ITPR1: variants seen among roughly 807,000 people sequenced by gnomAD.
ITPR1 encodes inositol 1,4,5-trisphosphate receptor type 1.
ITPR1 carries 96 observed loss-of-function variants against 318.4 expected under a neutral mutation model. That is an observed-to-expected ratio of 0.30 (90% confidence interval 0.26 to 0.36). ITPR1 has a LOEUF of 0.36. ITPR1 is among the 10% of genes least tolerant of loss of function. The pLI, the probability that ITPR1 is intolerant of heterozygous loss-of-function variation, is 1.00. For missense variants in ITPR1, 2,440 were observed against 3,460.2 expected, an observed-to-expected ratio of 0.71 and a Z score of 7.40; for synonymous variants, 1,312 against 1,289.9, an observed-to-expected ratio of 1.02 and a Z score of -0.37.
intron 4 of ITPR1, among the ~76,000 whole-genome samples, chr3:4,526,309 G>A (rs1471106922): frequency 6.6e-6 from 1 of 152,230 alleles, no homozygotes; most frequent in Non-Finnish European, 1.5e-5. Context: ...TCACTAAGTG[G>A]TTCATATGAA....
rs368813104 is a variant in ITPR1, at chr3:4,836,899, G to A, written c.8154G>A (p.Thr2718=). The A allele has an allele frequency of 3.6e-5, 58 of 1,596,276 alleles. No homozygotes were observed. The highest frequency in any genetic ancestry group is 1.6e-4 in the African/African-American group (12 of 74,730). Reference sequence around the variant, plus strand: ...TGGAGTCCACCATGAAACTTGTCACGAACCTTTCTGGCCAGCTGTCGGAAT... The same window carrying A: ...TGGAGTCCACCATGAAACTTGTCACAAACCTTTCTGGCCAGCTGTCGGAAT... ...EKLESTMKLV[T]NLSGQLSELK... Residue 2718 remains threonine, a synonymous_variant, in exon 61 of 62, where the codon ACG becomes ACA. Transcript: ENST00000649015.
intron 2 of ITPR1, among the ~76,000 whole-genome samples, chr3:4,512,085 T>C (rs2081873282): frequency 6.6e-6 from 1 of 152,128 alleles, no homozygotes; most frequent in Admixed American, 6.5e-5. Context: ...GCTCCCAGGC[T>C]CAAGTGATCC....
intron 45 of ITPR1, chr3:4,768,275 T>C (rs892767399): frequency 9.6e-6 from 4 of 414,798 alleles, no homozygotes; most frequent in Non-Finnish European, 1.3e-5. Context: ...GCTTTTCCTC[T>C]GAAACACACT....
At chr3:4,647,685 G>A (rs2093491490) in intron 10 of ITPR1, among the ~76,000 whole-genome samples, 1 of 152,152 alleles carries the variant, frequency 6.6e-6, no homozygotes, top group South Asian at 2.1e-4. Context: ...TGCATCCCCT[G>A]TTTGATTTAG....
chr3:4,627,901 C>T (rs762648966), intron 5 of ITPR1, 23 bp downstream of exon 5: 18 of 1,487,676 alleles, frequency 1.2e-5, no homozygotes, highest in Non-Finnish European at 1.7e-5. Flanking sequence ...ATGGGGCTGT[C>T]GATGGGGCAG....
chr3:4,623,418 G>C lies in ITPR1; in HGVS notation c.164-4345G>C, dbSNP rs1360692934. ...AGCTAGCTTAGTTTATTCCTCAAAG[G>C]CCTAAAATAATACTTGTCACATAAG... On this transcript the variant is annotated intron_variant, in intron 4 of 61. Transcript: ENST00000649015. Among the ~76,000 whole-genome samples, 5 of 152,216 alleles carry C rather than the reference G, an allele frequency of 3.3e-5. No homozygotes were observed. The East Asian group carries it at 9.6e-4, about 29-fold the overall frequency.
intron 4 of ITPR1, among the ~76,000 whole-genome samples, chr3:4,550,308 A>G (rs979871423): frequency 2.0e-5 from 3 of 152,222 alleles, no homozygotes; most frequent in African/African-American, 7.2e-5. Flanking sequence ...CTGTAGGCAC[A>G]GGTGACAGCA....
chr3:4,814,978 T>G, intron 58 of ITPR1, 75 bp from the exon 59 acceptor site: 29 of 1,268,098 alleles, frequency 2.3e-5, no homozygotes, highest in South Asian at 3.0e-5. Context: ...AGGTCTCACT[T>G]GAGCTGTGCC....
rs2094190902 is a variant in ITPR1, at chr3:4,676,625, A to G, written c.2791A>G (p.Met931Val). The G allele has an allele frequency of 1.9e-6, 3 of 1,613,514 alleles. No individual in the cohort carries two copies. The highest frequency in any genetic ancestry group is 2.5e-6 in the Non-Finnish European group (3 of 1,179,652). ...CTGGCCTTTCCTAGGCAGTAACGTG[A>G]TGAGATCTATTCATGGCGTGGGAGA... ...DVEKLKSSNV[M>V]RSIHGVGELM... The change falls in exon 24 of 62, where the codon ATG (methionine) becomes GTG (valine). Residue 931 changes from methionine to valine, a missense_variant. Physicochemically the swap from Met to Val is conservative, Grantham distance 21. Transcript: ENST00000649015.
In ITPR1 at chr3:4,685,188, G is replaced by A. The variant is rs1175840759; in HGVS notation, c.3684G>A (p.Leu1228=). Residue 1228 remains leucine, a synonymous_variant, in exon 30 of 62, where the codon CTG becomes CTA. Coordinates refer to ENST00000649015, the MANE Select transcript of ITPR1 (RefSeq NM_001378452.1). The part of the protein sequence containing the change: ...MGAHAVVLEL[L]QIPYEKAEDT... ...CGCACGCCGTGGTGCTGGAGCTGCTGCAGATTCCCTATGAGAAGGTGAGCG... is the reference window on the plus strand; with the variant it reads ...CGCACGCCGTGGTGCTGGAGCTGCTACAGATTCCCTATGAGAAGGTGAGCG... 6.2e-6 allele frequency: 10 copies of A among 1,604,168 alleles called. No homozygotes were observed. The highest frequency in any genetic ancestry group is 1.6e-4 in the Middle Eastern group (1 of 6,078).
rs2093648847 is a variant in ITPR1, at chr3:4,653,884, T to C, written c.994T>C (p.Ser332Pro). ...GGAAGAATGCCTGGAGTTTCAGCCC[T>C]CAGTAAGTATGGACAAGAGCCTTCT... ...FEEECLEFQPSVDPDQDASRS... is the reference protein window; with the variant it reads ...FEEECLEFQPPVDPDQDASRS... Residue 332 changes from serine (S) to proline (P), a missense_variant and splice_region_variant, in exon 12 of 62, where the codon TCA becomes CCA. Ser to Pro is a moderately conservative substitution (Grantham distance 74). This residue lies in a region of ITPR1 where 101 missense variants were observed against 119.6 expected (regional missense o/e 0.84). Coordinates refer to ENST00000649015, the MANE Select transcript of ITPR1 (RefSeq NM_001378452.1). 5 of 1,607,588 alleles carry C rather than the reference T, an allele frequency of 3.1e-6. No individual in the cohort carries two copies. The East Asian group carries it at 8.9e-5, about 29-fold the overall frequency.
rs554139583 is a variant in ITPR1 at position 4,600,061 on chromosome 3, T to A, written c.164-27702T>A. The stretch of plus-strand genomic sequence containing the variant: ...CATTTCCTAGCATTGTATGTACAAA[T>A]GGAATTGTACAGCAAGTCTTCTCTT... On this transcript the variant is annotated intron_variant, in intron 4 of 61. Transcript: ENST00000649015. Among the ~76,000 whole-genome samples the A allele has an allele frequency of 2.0e-5, 3 of 152,342 alleles. No individual in the cohort carries two copies. In the South Asian group the frequency reaches 6.2e-4, roughly 32 times the overall value.
At position 4,733,104 on chromosome 3, in the gene ITPR1, A is replaced by G. The variant is rs2043040552; in HGVS notation, c.5237A>G (p.Gln1746Arg). The G allele has an allele frequency of 1.2e-6, 2 of 1,613,544 alleles. 1 individual carries two copies. The highest frequency in any genetic ancestry group is 2.2e-5 in the South Asian group (2 of 90,942). ...TGAATTAAGGGTGAGGCGCTCAGGC[A>G]AGTTCTGGTCAACCGTTACTATGGA... is the stretch of plus-strand genomic sequence containing the variant. ...EDHKRGEALR[Q>R]VLVNRYYGNV... The change falls in exon 43 of 62, where the codon CAA becomes CGA. Residue 1746 changes from glutamine to arginine, a missense_variant. Physicochemically the swap from Gln to Arg is conservative, Grantham distance 43 (BLOSUM62 1). Around this residue, in one of 23 missense-constraint regions of ITPR1, gnomAD observed 166 missense variants for 143.7 expected, o/e 1.16. Transcript: ENST00000649015.
Position 4,675,276 on chromosome 3 carries a change from T to A in ITPR1, c.2779+28T>A, listed in dbSNP as rs759815465. Reference sequence around the variant, plus strand: ...GAGTATCTGAGGGTGCCCATACATCTGAGAGATGCCCTCCAGCCTTTCCTG... The same window carrying A: ...GAGTATCTGAGGGTGCCCATACATCAGAGAGATGCCCTCCAGCCTTTCCTG... On this transcript the variant is annotated intron_variant, in intron 23 of 61. Transcript: ENST00000649015. 2.3e-5 allele frequency: 36 copies of A among 1,539,730 alleles called. 1 individual carries two copies. The South Asian group carries it at 3.7e-4, about 16-fold the overall frequency.
chr3:4,681,463 C>T (rs777618727), intron 26 of ITPR1, 45 bp downstream of exon 26: 14 of 1,338,808 alleles, frequency 1.0e-5, no homozygotes, highest in African/African-American at 1.4e-5. Context: ...GGCTGCTCTT[C>T]CAGAGCTCTC....
At chr3:4,632,763 T>G (rs1371538209) in intron 5 of ITPR1, among the ~76,000 whole-genome samples, 1 of 151,940 alleles carries the variant, frequency 6.6e-6, no homozygotes. Flanking sequence ...GAAAACAGCA[T>G]GGTTGAAAAA....
chr3:4,720,738 G>A (rs549597947), intron 40 of ITPR1, among the ~76,000 whole-genome samples: 5 of 152,118 alleles, frequency 3.3e-5, no homozygotes, highest in East Asian at 1.9e-4. Context: ...TTAACTCCTC[G>A]ACTTCTCCTA....
chr3:4,690,194 G>C (rs2094458323), intron 31 of ITPR1, among the ~76,000 whole-genome samples: 1 of 152,226 alleles, frequency 6.6e-6, no homozygotes, highest in African/African-American at 2.4e-5. Flanking sequence ...AGAATAGCTT[G>C]AACTCAGGAG....
At chr3:4,565,548 G>T (rs1046854821) in intron 4 of ITPR1, among the ~76,000 whole-genome samples, 1 of 152,164 alleles carries the variant, frequency 6.6e-6, no homozygotes, top group Non-Finnish European at 1.5e-5. Flanking sequence ...TTGCCTCCTA[G>T]TGCCAAGAAA....
Sources: allele counts gnomAD v4.1 joint callset (sites outside exome capture counted in the v4.1 genomes callset), GRCh38; gene constraint gnomAD v4.1.1; regional missense constraint gnomAD v4.1.1; transcripts MANE v1.5; gene names NCBI Gene and HGNC (gene_info 2026-07-23, HGNC 2026-07-21).